Variants in VPS53 observed in about 807,000 individuals in gnomAD.
VPS53 encodes the protein vacuolar protein sorting-associated protein 53 homolog.
In VPS53, 70 loss-of-function variants were observed where a neutral mutation model predicts 107.0. The ratio of observed to expected loss-of-function variants is 0.65; its 90% CI spans 0.54 to 0.80. The LOEUF (loss-of-function observed/expected upper bound fraction) is 0.80, where lower values mean the gene tolerates loss of function less well. Ranked by LOEUF, VPS53 falls within the 30% of genes least tolerant of loss-of-function variation. The pLI is 0.00. For synonymous variants in VPS53, 409 were observed against 393.3 expected (o/e 1.04, Z -0.47); for missense variants, 917 against 1,049.4 (o/e 0.87, Z 1.74).
At chr17:635,743 T>G (rs1479431285) in intron 7 of VPS53, among the ~76,000 whole-genome samples, 1 of 152,200 alleles carries the variant, frequency 6.6e-6, no homozygotes, top group African/African-American at 2.4e-5. Context: ...TCTGTTCTGT[T>G]CCATTGATCT....
intron 11 of VPS53, among the ~76,000 whole-genome samples, chr17:613,306 A>T (rs575765293): frequency 0.013 from 1,968 of 150,234 alleles, 16 homozygotes; most frequent in Middle Eastern, 0.021. Context: ...TCAAATAGTG[A>T]ATTCACACAG....
chr17:571,757 C>A (rs1453346848), intron 13 of VPS53, among the ~76,000 whole-genome samples: 2 of 152,270 alleles, frequency 1.3e-5, no homozygotes, highest in East Asian at 3.8e-4. Context: ...GTTGGCCGGG[C>A]TGGTCTCCAG....
At chr17:556,922 T>TGACCAGGAG (rs1912460625) in intron 15 of VPS53, among the ~76,000 whole-genome samples, 2 of 143,128 alleles carry the variant, frequency 1.4e-5, no homozygotes, top group Non-Finnish European at 3.1e-5. Flanking sequence ...TGAAGGGGGG[T>TGACCAGGAG]GGCCAGGAGG....
At chr17:678,296 C>A (rs1972244599) in intron 4 of VPS53, among the ~76,000 whole-genome samples, 1 of 151,420 alleles carries the variant, frequency 6.6e-6, no homozygotes, top group Non-Finnish European at 1.5e-5. Flanking sequence ...GTGGCGGGCA[C>A]CTGTAGTCCC....
chr17:577,404 C>T (rs1914717043), intron 13 of VPS53, among the ~76,000 whole-genome samples: 1 of 151,386 alleles, frequency 6.6e-6, no homozygotes, highest in African/African-American at 2.4e-5. Context: ...AATGCGTTAC[C>T]ACAGAGCCTC....
Position 530,750 on chromosome 17 carries a change from T to C in VPS53, c.2085+2092A>G, listed in dbSNP as rs76658320. On this transcript the variant is annotated intron_variant, in intron 19 of 21. Transcript: ENST00000437048. ...TTAGTGACCCTGCAAAACAGGATGA[T>C]CTGAAGATCATAAACTAGCAAGAAG... Among the ~76,000 whole-genome samples the C allele has an allele frequency of 4.9e-3, 752 of 152,232 alleles. 8 individuals carry two copies. The highest frequency in any genetic ancestry group is 0.017 in the African/African-American group (717 of 41,536).
chr17:561,459 AGTTAAACG>A (rs1443890656), intron 14 of VPS53, among the ~76,000 whole-genome samples: 1 of 152,214 alleles, frequency 6.6e-6, no homozygotes, highest in Non-Finnish European at 1.5e-5. Flanking sequence ...CCCACGATGA[AGTTAAACG>A]GTAGCTGCAG....
chr17:662,330 C>A (rs1233665098), intron 4 of VPS53, among the ~76,000 whole-genome samples: 1 of 152,100 alleles, frequency 6.6e-6, no homozygotes, highest in African/African-American at 2.4e-5. Context: ...ATGGGGACTC[C>A]AGAACTGCAA....
At chr17:526,242 A>G (rs968217899) in intron 19 of VPS53, among the ~76,000 whole-genome samples, 57 of 152,300 alleles carry the variant, frequency 3.7e-4, no homozygotes, top group African/African-American at 1.3e-3. Flanking sequence ...AAAATCAGTC[A>G]TTATATTTTA....
chr17:554,691 G>C (rs550902023), intron 15 of VPS53, among the ~76,000 whole-genome samples: 1 of 152,282 alleles, frequency 6.6e-6, no homozygotes, highest in Non-Finnish European at 1.5e-5. Flanking sequence ...GACTACAGCT[G>C]GGATTACAGG....
chr17:672,108 T>TCACACACACACACACA, intron 4 of VPS53, among the ~76,000 whole-genome samples: 1 of 30,302 alleles, frequency 3.3e-5, no homozygotes, highest in African/African-American at 7.9e-5. Flanking sequence ...ATGATGAGGG[T>TCACACACACACACACA]GACACACACA....
chr17:586,035 A>G (rs905008663), intron 13 of VPS53, among the ~76,000 whole-genome samples: 1 of 152,178 alleles, frequency 6.6e-6, no homozygotes, highest in Non-Finnish European at 1.5e-5. Flanking sequence ...AGGGATCCCA[A>G]TGTAGGGATC....
intron 4 of VPS53, among the ~76,000 whole-genome samples, chr17:665,700 T>C (rs1971651220): frequency 6.6e-6 from 1 of 151,920 alleles, no homozygotes; most frequent in Admixed American, 6.6e-5. Context: ...GTGACCGGAG[T>C]GTTGGTAGAA....
rs150870276 is a variant in VPS53 at position 606,549 on chromosome 17, C to T, written c.1117-4653G>A. Among the ~76,000 whole-genome samples the T allele has an allele frequency of 4.3e-4, 65 of 152,220 alleles. 1 individual carries two copies. The East Asian group carries it at 8.5e-3, about 20-fold the overall frequency. ...GTCATGCACCACATCACCATGTTTCCATCCATGACGGGCCACGGTACAAGG... is the reference window on the plus strand; with the variant it reads ...GTCATGCACCACATCACCATGTTTCTATCCATGACGGGCCACGGTACAAGG... On this transcript the variant is annotated intron_variant, in intron 11 of 21. Transcript: ENST00000437048.
chr17:553,550 A>T, intron 15 of VPS53, 88 bp from the exon 16 acceptor site: 26 of 878,370 alleles, frequency 3.0e-5, no homozygotes, highest in Admixed American at 4.5e-5. Flanking sequence ...ACTGCGTTTG[A>T]TGATTCAGGC....
At chr17:586,871 G>A (rs1210736813) in intron 12 of VPS53, among the ~76,000 whole-genome samples, 4 of 152,070 alleles carry the variant, frequency 2.6e-5, no homozygotes, top group African/African-American at 9.7e-5. Flanking sequence ...ATATGTAGAC[G>A]TCTGCTTTTC....
rs750910997 is a variant in VPS53, at chr17:509,614, C to T, written c.*9514G>A. 4.6e-5 allele frequency: 8 copies of T among 173,134 alleles called. No homozygotes were observed. The highest frequency in any genetic ancestry group is 8.7e-5 in the Non-Finnish European group (7 of 80,840). 10.7% of individuals were successfully genotyped at this position (173,134 alleles called of 1,614,324 possible). The stretch of plus-strand genomic sequence containing the variant: ...ATCCTGGCTCACCCCTCACTAGTCA[C>T]GTATGGAATCCTGGCTCGCCCCTCA... On this transcript the variant is annotated 3_prime_UTR_variant, in exon 22 of 22. Coordinates refer to ENST00000437048, the MANE Select transcript of VPS53 (RefSeq NM_001128159.3).
intron 4 of VPS53, among the ~76,000 whole-genome samples, chr17:697,042 G>A (rs1012818255): frequency 3.9e-5 from 6 of 152,184 alleles, no homozygotes; most frequent in African/African-American, 1.2e-4. Context: ...TGGTAACTAT[G>A]TCAGGTTACT....
At chr17:688,365 A>G (rs1336856664) in intron 4 of VPS53, among the ~76,000 whole-genome samples, 1 of 152,122 alleles carries the variant, frequency 6.6e-6, no homozygotes, top group Non-Finnish European at 1.5e-5. Flanking sequence ...CCTTTCCACC[A>G]TGATTGTAAG....
Sources: allele counts gnomAD v4.1 joint callset (sites outside exome capture counted in the v4.1 genomes callset), GRCh38; gene constraint gnomAD v4.1.1; transcripts MANE v1.5; gene names NCBI Gene and HGNC (gene_info 2026-07-23, HGNC 2026-07-21).